SRP72: variants seen among roughly 807,000 people sequenced by gnomAD.
SRP72 encodes the protein signal recognition particle subunit SRP72.
SRP72 carries 49 observed loss-of-function variants against 96.3 expected under a neutral mutation model. That is an observed-to-expected ratio of 0.51 (90% confidence interval 0.40 to 0.65). The LOEUF is 0.65. Among genes scored for constraint, SRP72 ranks in the 30% least tolerant of loss-of-function variants. SRP72 has a pLI of 0.00. For synonymous variants in SRP72, 267 were observed against 275.2 expected (o/e 0.97, Z 0.30); for missense variants, 736 against 793.3 (o/e 0.93, Z 0.87).
At chr4:56,468,813 A>G (rs984970512) in intron 1 of SRP72, among the ~76,000 whole-genome samples, 4 of 152,220 alleles carry the variant, frequency 2.6e-5, no homozygotes, top group African/African-American at 7.2e-5. Context: ...TACTTAGTAT[A>G]GTATTTTGCA....
chr4:56,472,739 A>AC (rs1720027959), intron 3 of SRP72, among the ~76,000 whole-genome samples: 1 of 152,228 alleles, frequency 6.6e-6, no homozygotes, highest in Non-Finnish European at 1.5e-5. Context: ...AATAATACAA[A>AC]TGAGTTGAAG....
chr4:56,469,782 T>C lies in SRP72; in HGVS notation c.230+9T>C. ...ACCAAAGTGTTAGCCAAGTAAGTGATTCAGTTAGTTGCTTGTACAGTTATT... is the reference window on the plus strand; with the variant it reads ...ACCAAAGTGTTAGCCAAGTAAGTGACTCAGTTAGTTGCTTGTACAGTTATT... On this transcript the variant is annotated intron_variant, in intron 2 of 18. Coordinates refer to ENST00000642900, the MANE Select transcript of SRP72 (RefSeq NM_006947.4). The C allele has an allele frequency of 6.2e-7, 1 of 1,602,656 alleles. No individual in the cohort carries two copies. The highest frequency in any genetic ancestry group is 8.5e-7 in the Non-Finnish European group (1 of 1,171,432).
In SRP72 at chr4:56,502,788, T is replaced by C. The variant is rs932749750; in HGVS notation, c.*927T>C. ...CAGTATTAAAATCTAACAGGTCTGT[T>C]TGGCCCATTGATAGATACTCAAATG... On this transcript the variant is annotated 3_prime_UTR_variant, in exon 19 of 19. Transcript: ENST00000642900. 18 of 152,076 alleles carry C rather than the reference T, an allele frequency of 1.2e-4. No individual in the cohort carries two copies. The highest frequency in any genetic ancestry group is 3.9e-4 in the African/African-American group (16 of 41,416). The allele number at this position is 152,076 out of a possible 1,614,324, so 9.4% of individuals were successfully genotyped here.
intron 8 of SRP72, among the ~76,000 whole-genome samples, chr4:56,480,852 G>A (rs1173773470): frequency 6.6e-6 from 1 of 152,120 alleles, no homozygotes; most frequent in East Asian, 1.9e-4. Flanking sequence ...AGGATCTCTG[G>A]TTTGGCAAGT....
intron 3 of SRP72, among the ~76,000 whole-genome samples, chr4:56,472,956 C>T (rs1491002239): frequency 1.3e-5 from 2 of 152,106 alleles, no homozygotes; most frequent in African/African-American, 4.8e-5. Context: ...CTGCTTGAGA[C>T]TCACCTGTGT....
intron 17 of SRP72, among the ~76,000 whole-genome samples, chr4:56,499,863 G>A (rs1437979496): frequency 2.0e-5 from 3 of 147,974 alleles, no homozygotes; most frequent in Non-Finnish European, 4.4e-5. Flanking sequence ...TCGCATTACT[G>A]GATATATACC....
At chr4:56,489,531 A>G (rs1457571624) in intron 13 of SRP72, 48 bp downstream of exon 13, 2 of 1,213,864 alleles carry the variant, frequency 1.6e-6, no homozygotes, top group East Asian at 2.4e-5. Context: ...TTACATAAAA[A>G]TAAAGATGGA....
In SRP72 at chr4:56,467,711, G is replaced by T; in HGVS notation, c.76G>T (p.Asp26Tyr). 1.9e-6 allele frequency: 3 copies of T among 1,553,924 alleles called. No individual in the cohort carries two copies. Among genetic ancestry groups the T allele is most frequent in the South Asian group, 1.2e-5 (1 of 84,050 alleles). ...SEVNRYGQNG[D>Y]FTRALKTVNK... ...AGTGAACCGGTATGGCCAGAACGGCGACTTCACGCGCGCTCTCAAGACCGT... is the reference window on the plus strand; with the variant it reads ...AGTGAACCGGTATGGCCAGAACGGCTACTTCACGCGCGCTCTCAAGACCGT... The change falls in exon 1 of 19, where the codon GAC becomes TAC. Residue 26 changes from aspartate (D) to tyrosine (Y), a missense_variant. Asp to Tyr is a radical substitution (Grantham distance 160). Coordinates refer to ENST00000642900, the MANE Select transcript of SRP72 (RefSeq NM_006947.4).
Position 56,484,025 on chromosome 4 carries a change from A to G in SRP72, c.958-711A>G, listed in dbSNP as rs76999557. ...TTTTAGTGGGAGACAGAGAAGCAGT[A>G]ATTTTTTTTTTTTTTTTTTTTTTTT... is the stretch of plus-strand genomic sequence containing the variant. On this transcript the variant is annotated intron_variant, in intron 9 of 18. Coordinates refer to ENST00000642900, the MANE Select transcript of SRP72 (RefSeq NM_006947.4). 4.8e-5 allele frequency among the ~76,000 whole-genome samples: 5 copies of G among 103,116 alleles called. No homozygotes were observed. The East Asian group carries it at 2.5e-3, about 52-fold the overall frequency. 67.6% of individuals were successfully genotyped at this position (103,116 alleles called of 152,430 possible).
chr4:56,467,653 C>G lies in SRP72; in HGVS notation c.18C>G (p.Ser6Arg), dbSNP rs777589749. 10 of 1,550,758 alleles carry G rather than the reference C, an allele frequency of 6.4e-6. No homozygotes were observed. Among genetic ancestry groups the G allele is most frequent in the Non-Finnish European group, 8.7e-6 (10 of 1,149,504 alleles). Residue 6 changes from serine to arginine, a missense_variant, in exon 1 of 19, where the codon AGC becomes AGG. Physicochemically the swap from Ser to Arg is moderately radical, Grantham distance 110. Around this residue, in one of 3 missense-constraint regions of SRP72, gnomAD observed 329 missense variants for 319.0 expected, o/e 1.03. Coordinates refer to ENST00000642900, the MANE Select transcript of SRP72 (RefSeq NM_006947.4). ...CCTCCAAGATGGCGAGCGGCGGCAG[C>G]GGGGGGGTGTCAGTACCTGCGCTGT... Reference protein sequence around the residue: MASGGSGGVSVPALWS... With the variant: MASGGRGGVSVPALWS...
rs368409174 is a variant in SRP72 at position 56,474,048 on chromosome 4, A to G, written c.355-6A>G. On this transcript the variant is annotated splice_polypyrimidine_tract_variant and splice_region_variant and intron_variant, in intron 3 of 18. Transcript: ENST00000642900. ...TCTGATTTTTTACTTGCTATTTATT[A>G]TTCAGTTATACCGTTTGGAACGCTA... The G allele has an allele frequency of 7.5e-6, 12 of 1,603,690 alleles. No individual in the cohort carries two copies. The African/African-American group carries it at 1.6e-4, about 22-fold the overall frequency.
chr4:56,498,267 A>G (rs556841188), intron 17 of SRP72, among the ~76,000 whole-genome samples: 24 of 152,236 alleles, frequency 1.6e-4, no homozygotes, highest in African/African-American at 5.3e-4. Flanking sequence ...TATTGATGGA[A>G]TGTATCTCAA....
Position 56,491,575 on chromosome 4 carries a change from T to A in SRP72, c.1640+7T>A. The stretch of plus-strand genomic sequence containing the variant: ...GTCAACCAAAGGAACAAGGGTAATA[T>A]TTTTCATTGTAACGTTCTCTAATGC... On this transcript the variant is annotated splice_region_variant and intron_variant, in intron 16 of 18. Coordinates refer to ENST00000642900, the MANE Select transcript of SRP72 (RefSeq NM_006947.4). 1 of 1,610,562 alleles carries A rather than the reference T, an allele frequency of 6.2e-7. No individual in the cohort carries two copies. The highest frequency in any genetic ancestry group is 8.5e-7 in the Non-Finnish European group (1 of 1,177,610).
intron 1 of SRP72, 61 bp downstream of exon 1, chr4:56,467,805 C>T: frequency 5.1e-6 from 7 of 1,384,480 alleles, no homozygotes; most frequent in East Asian, 3.0e-5. Flanking sequence ...GGCCTGTTTC[C>T]GGCGCGCGAG....
At chr4:56,493,373 A>AT (rs1252033268) in intron 16 of SRP72, among the ~76,000 whole-genome samples, 1 of 152,106 alleles carries the variant, frequency 6.6e-6, no homozygotes, top group East Asian at 1.9e-4. Context: ...TAAGATATAC[A>AT]TTGACTTTTT....
At chr4:56,471,882 G>A (rs981620174) in intron 3 of SRP72, 39 bp downstream of exon 3, 1 of 1,608,552 alleles carries the variant, frequency 6.2e-7, no homozygotes, top group African/African-American at 1.3e-5. Flanking sequence ...CAGTGATACT[G>A]AGTGAGCATG....
chr4:56,501,770 T>C lies in SRP72; in HGVS notation c.1925T>C (p.Ile642Thr), dbSNP rs1721269509. ...GTATCTGCCTCTACAAGTAACATCA[T>C]ACCCCCAAGACACCAGAAACCTGCA... ...ATVSASTSNI[I>T]PPRHQKPAGA... is the part of the protein sequence containing the mutation. The change falls in exon 19 of 19, where the codon ATA becomes ACA. Residue 642 changes from isoleucine to threonine, a missense_variant. Coordinates refer to ENST00000642900, the MANE Select transcript of SRP72 (RefSeq NM_006947.4). The C allele has an allele frequency of 6.2e-7, 1 of 1,614,054 alleles. No individual in the cohort carries two copies. The highest frequency in any genetic ancestry group is 1.1e-5 in the South Asian group (1 of 91,082).
chr4:56,495,504 A>G (rs1177018715), intron 17 of SRP72, 110 bp downstream of exon 17: 1 of 598,554 alleles, frequency 1.7e-6, no homozygotes, highest in African/African-American at 1.9e-5. Context: ...GTATCTTTGA[A>G]AACTTTTTAT....
At chr4:56,468,874 T>C (rs1225409915) in intron 1 of SRP72, among the ~76,000 whole-genome samples, 2 of 152,246 alleles carry the variant, frequency 1.3e-5, no homozygotes, top group Non-Finnish European at 2.9e-5. Flanking sequence ...GTATGTTTTC[T>C]TAATTGGTAG....
Sources: allele counts gnomAD v4.1 joint callset (sites outside exome capture counted in the v4.1 genomes callset), GRCh38; gene constraint gnomAD v4.1.1; regional missense constraint gnomAD v4.1.1; transcripts MANE v1.5; gene names NCBI Gene and HGNC (gene_info 2026-07-23, HGNC 2026-07-21).